The following TNKS variants were observed in gnomAD, a reference collection of about 807,000 sequenced individuals.
The protein encoded by TNKS is poly [ADP-ribose] polymerase tankyrase-1.
In TNKS, 72 loss-of-function variants were observed where a neutral mutation model predicts 135.8. The ratio of observed to expected loss-of-function variants is 0.53; its 90% CI spans 0.44 to 0.64. The LOEUF is 0.64. Ranked by LOEUF, TNKS falls within the 30% of genes least tolerant of loss-of-function variation. TNKS has a pLI of 0.00. For synonymous variants in TNKS, 849 were observed against 649.3 expected (o/e 1.31, Z -4.68); for missense variants, 1,769 against 1,674.0 (o/e 1.06, Z -0.99).
intron 11 of TNKS, among the ~76,000 whole-genome samples, chr8:9,716,834 A>G (rs1293702208): frequency 6.6e-6 from 1 of 151,698 alleles, no homozygotes; most frequent in Admixed American, 6.6e-5. Flanking sequence ...GTGGTCTTTT[A>G]CAACCCATAC....
At chr8:9,580,016 C>G (rs1798108380) in intron 1 of TNKS, 143 bp from the exon 2 acceptor site, 3 of 664,922 alleles carry the variant, frequency 4.5e-6, no homozygotes, top group Non-Finnish European at 7.7e-6. Context: ...TTGAATGAAG[C>G]TAATGTTTCT....
chr8:9,651,837 G>C (rs1801159517), intron 3 of TNKS, among the ~76,000 whole-genome samples: 1 of 152,092 alleles, frequency 6.6e-6, no homozygotes, highest in African/African-American at 2.4e-5. Flanking sequence ...TTAACATACT[G>C]CTGATCCTAG....
At chr8:9,719,429 A>C (rs536418469) in intron 11 of TNKS, among the ~76,000 whole-genome samples, 5 of 152,320 alleles carry the variant, frequency 3.3e-5, no homozygotes, top group Non-Finnish European at 7.3e-5. Flanking sequence ...ATGCACTCAT[A>C]TTCTCAATAA....
rs746507613 is a variant in TNKS at position 9,556,070 on chromosome 8, C to G, written c.131C>G (p.Thr44Ser). The change falls in exon 1 of 27, where the codon ACC becomes AGC. Residue 44 changes from threonine to serine, a missense_variant. Coordinates refer to ENST00000310430, the MANE Select transcript of TNKS (RefSeq NM_003747.3). ...AGCCCTGGCCTGGCCCCGGGGACCA[C>G]CCCAGCCTCTCCCACGGCCAGCGGC... is the stretch of plus-strand genomic sequence containing the variant. ...PLSPGLAPGT[T>S]PASPTASGLA... The G allele has an allele frequency of 6.2e-7, 1 of 1,606,942 alleles. No individual in the cohort carries two copies. Among genetic ancestry groups the G allele is most frequent in the South Asian group, 1.1e-5 (1 of 90,608 alleles).
chr8:9,598,705 ATGTGTGTGTGTGTG>A (rs376761155), intron 2 of TNKS, among the ~76,000 whole-genome samples: 2 of 108,168 alleles, frequency 1.8e-5, no homozygotes, highest in Non-Finnish European at 3.9e-5. Context: ...TGTCTAAAAT[ATGTGTGTGTGTGTG>A]TGTGTGTGTG....
chr8:9,637,141 A>G (rs1800543208), intron 3 of TNKS, among the ~76,000 whole-genome samples: 1 of 152,210 alleles, frequency 6.6e-6, no homozygotes, highest in Non-Finnish European at 1.5e-5. Context: ...CGTTCTAGAT[A>G]TGGGAATTTC....
At chr8:9,686,486 C>G (rs1247283378) in intron 5 of TNKS, among the ~76,000 whole-genome samples, 1 of 152,114 alleles carries the variant, frequency 6.6e-6, no homozygotes, top group Non-Finnish European at 1.5e-5. Flanking sequence ...TAATAGATAA[C>G]TGAAATACCT....
chr8:9,766,527 C>T, intron 25 of TNKS, 102 bp downstream of exon 25: 2 of 1,141,702 alleles, frequency 1.8e-6, no homozygotes, highest in Non-Finnish European at 2.3e-6. Flanking sequence ...GCTCTTGTCA[C>T]CCAGGCTGGA....
intron 3 of TNKS, among the ~76,000 whole-genome samples, chr8:9,667,377 G>C (rs900529603): frequency 1.3e-5 from 2 of 152,230 alleles, no homozygotes; most frequent in Non-Finnish European, 2.9e-5. Context: ...TCTGTGAAAA[G>C]AAAATTACTT....
At chr8:9,672,425 G>A (rs944302596) in intron 3 of TNKS, among the ~76,000 whole-genome samples, 9 of 151,894 alleles carry the variant, frequency 5.9e-5, no homozygotes, top group African/African-American at 2.2e-4. Flanking sequence ...TATGACAGCT[G>A]TGCTGTGTAG....
intron 3 of TNKS, among the ~76,000 whole-genome samples, chr8:9,619,788 C>CT (rs371608502): frequency 0.25 from 32,197 of 130,770 alleles, 4,076 homozygotes; most frequent in East Asian, 0.39. Context: ...AAATCCTTTG[C>CT]TTTTTTTTTT....
chr8:9,668,998 G>A (rs570729180), intron 3 of TNKS, among the ~76,000 whole-genome samples: 4 of 152,170 alleles, frequency 2.6e-5, no homozygotes, highest in African/African-American at 9.6e-5. Context: ...ACTAATTAAA[G>A]CAGAAATTAA....
chr8:9,726,962 A>G (rs974450603), intron 13 of TNKS, among the ~76,000 whole-genome samples: 1 of 152,054 alleles, frequency 6.6e-6, no homozygotes, highest in Non-Finnish European at 1.5e-5. Context: ...ATATACATAC[A>G]CACACACACA....
At chr8:9,752,735 G>C (rs902627180) in intron 20 of TNKS, 109 bp downstream of exon 20, 26 of 687,546 alleles carry the variant, frequency 3.8e-5, no homozygotes, top group Non-Finnish European at 6.0e-5. Context: ...CGGCAGGATT[G>C]CTTGAGCCCA....
chr8:9,586,919 C>T (rs889464833), intron 2 of TNKS, among the ~76,000 whole-genome samples: 1 of 152,012 alleles, frequency 6.6e-6, no homozygotes, highest in African/African-American at 2.4e-5. Flanking sequence ...CAGGAGTCGG[C>T]GTACCTGGAG....
At chr8:9,615,527 G>A in intron 2 of TNKS, 55 bp from the exon 3 acceptor site, 1 of 1,449,308 alleles carries the variant, frequency 6.9e-7, no homozygotes, top group Middle Eastern at 1.8e-4. Context: ...ACACTTACCA[G>A]TAAATAATCT....
At position 9,778,150 on chromosome 8, in the gene TNKS, AAAAT is replaced by A. The variant is rs1808309173; in HGVS notation, c.*1415_*1418del. On this transcript the variant is annotated 3_prime_UTR_variant, in exon 27 of 27. Transcript: ENST00000310430. ...CAAGTGCCATTGACATTTATAAAAA[AAAAT>A]GATCCTTTATAGTTCTTACACTTGC... The A allele has an allele frequency of 6.6e-6, 1 of 152,428 alleles. No individual in the cohort carries two copies. Among genetic ancestry groups the A allele is most frequent in the Non-Finnish European group, 1.5e-5 (1 of 68,046 alleles). 9.4% of individuals were successfully genotyped at this position (152,428 alleles called of 1,614,324 possible). A position where few individuals can be genotyped will look rare whatever the true frequency, so the allele number is the denominator to read the frequency against.
Position 9,709,013 on chromosome 8 carries a change from C to T in TNKS, c.1578+521C>T, listed in dbSNP as rs1044732750. On this transcript the variant is annotated intron_variant, in intron 9 of 26. Coordinates refer to ENST00000310430, the MANE Select transcript of TNKS (RefSeq NM_003747.3). ...ACGTTTTTTTCTTCAAATGCACTTT[C>T]GGAAAGATTTATTTATTTTCTTTGT... Among the ~76,000 whole-genome samples the T allele has an allele frequency of 9.3e-4, 142 of 152,114 alleles. 2 individuals carry two copies. The highest frequency in any genetic ancestry group is 3.2e-3 in the African/African-American group (134 of 41,510).
At chr8:9,571,640 G>A (rs930293749) in intron 1 of TNKS, among the ~76,000 whole-genome samples, 1 of 152,078 alleles carries the variant, frequency 6.6e-6, no homozygotes, top group East Asian at 1.9e-4. Flanking sequence ...TATATTTGTA[G>A]TAGAGACGGG....
Sources: gnomAD v4.1 joint callset for allele counts (sites outside exome capture counted in the v4.1 genomes callset) on GRCh38, gnomAD v4.1.1 for gene constraint, MANE v1.5 for transcripts, NCBI Gene and HGNC (gene_info 2026-07-23, HGNC 2026-07-21) for gene names.